The following LRP1B variants were observed in gnomAD, a reference collection of about 807,000 sequenced individuals.
LRP1B encodes the protein low-density lipoprotein receptor-related protein 1B.
In LRP1B, 217 loss-of-function variants were observed where a neutral mutation model predicts 556.6. The observed-to-expected ratio is 0.39, with a 90% CI of 0.35 to 0.44. The LOEUF is 0.44. Ranked by LOEUF, LRP1B falls within the 20% of genes least tolerant of loss-of-function variation. LRP1B has a pLI of 1.00. For synonymous variants in LRP1B, 2,047 were observed against 1,865.8 expected, an observed-to-expected ratio of 1.10 and a Z score of -2.50; for missense variants, 5,053 against 5,620.8, an observed-to-expected ratio of 0.90 and a Z score of 3.23.
chr2:140,489,905 T>C (rs1182255977), intron 57 of LRP1B, among the ~76,000 whole-genome samples: 1 of 152,088 alleles, frequency 6.6e-6, no homozygotes, highest in Non-Finnish European at 1.5e-5. Context: ...TATAATAAAT[T>C]AAAGCTGCAA....
chr2:141,201,098 GA>G (rs544011416), intron 6 of LRP1B, among the ~76,000 whole-genome samples: 75 of 152,258 alleles, frequency 4.9e-4, no homozygotes, highest in African/African-American at 1.8e-3. Context: ...GTAATTTTAT[GA>G]AAGGACAATT....
chr2:140,572,224 A>G (rs1176539540), intron 43 of LRP1B, among the ~76,000 whole-genome samples: 5 of 150,018 alleles, frequency 3.3e-5, no homozygotes, highest in African/African-American at 1.2e-4. Flanking sequence ...AGAGAAGAAA[A>G]TATTTGTAAA....
intron 33 of LRP1B, among the ~76,000 whole-genome samples, chr2:140,771,678 T>C (rs1175337552): frequency 3.9e-5 from 6 of 152,184 alleles, no homozygotes; most frequent in Non-Finnish European, 8.8e-5. Context: ...AGATGTTCCA[T>C]TGAATTTACT....
chr2:140,654,005 A>T (rs1319939103), intron 41 of LRP1B, among the ~76,000 whole-genome samples: 1 of 146,194 alleles, frequency 6.8e-6, no homozygotes, highest in African/African-American at 2.6e-5. Flanking sequence ...AGCCTGGGAG[A>T]CAAGAGCAAG....
intron 7 of LRP1B, among the ~76,000 whole-genome samples, chr2:141,181,341 T>A (rs969780462): frequency 1.1e-4 from 16 of 151,982 alleles, no homozygotes; most frequent in African/African-American, 3.9e-4. Flanking sequence ...ATGATATTGT[T>A]AATCTACCAA....
intron 2 of LRP1B, among the ~76,000 whole-genome samples, chr2:141,575,575 T>C (rs1686707991): frequency 6.6e-6 from 1 of 152,058 alleles, no homozygotes; most frequent in Non-Finnish European, 1.5e-5. Context: ...CAAAAGCAAT[T>C]GCAACAAAAG....
chr2:140,829,991 C>G (rs1691659124), intron 31 of LRP1B, among the ~76,000 whole-genome samples: 1 of 151,836 alleles, frequency 6.6e-6, no homozygotes, highest in Non-Finnish European at 1.5e-5. Flanking sequence ...TAAACACTAA[C>G]AAATTGGAAA....
At chr2:140,446,135 A>G (rs766335323) in intron 63 of LRP1B, among the ~76,000 whole-genome samples, 2 of 152,130 alleles carry the variant, frequency 1.3e-5, no homozygotes, top group Non-Finnish European at 2.9e-5. Flanking sequence ...TTTAAACTGA[A>G]TGACACAATT....
intron 84 of LRP1B, among the ~76,000 whole-genome samples, chr2:140,289,568 C>T (rs1025582642): frequency 7.3e-5 from 11 of 150,972 alleles, no homozygotes; most frequent in African/African-American, 1.5e-4. Context: ...TGTATAAGCA[C>T]GTACGCCTAA....
chr2:140,907,837 A>C, intron 22 of LRP1B, 40 bp downstream of exon 22: 1 of 1,558,860 alleles, frequency 6.4e-7, no homozygotes. Context: ...AAAAGGTTGT[A>C]GTTTTCATGG....
intron 1 of LRP1B, among the ~76,000 whole-genome samples, chr2:142,087,654 T>C (rs1705997980): frequency 1.3e-5 from 2 of 152,028 alleles, no homozygotes; most frequent in South Asian, 4.2e-4. Flanking sequence ...AAATTGGGAA[T>C]AATACCATGT....
chr2:140,911,924 C>T (rs1029990641), intron 21 of LRP1B, among the ~76,000 whole-genome samples: 8 of 151,602 alleles, frequency 5.3e-5, no homozygotes. Flanking sequence ...AGGCTATTTG[C>T]CATCCCTGAC....
intron 2 of LRP1B, among the ~76,000 whole-genome samples, chr2:141,590,565 T>G (rs1195364233): frequency 6.6e-6 from 1 of 152,094 alleles, no homozygotes; most frequent in Non-Finnish European, 1.5e-5. Context: ...AGAAAGGGTA[T>G]CATTTCTAAG....
intron 84 of LRP1B, among the ~76,000 whole-genome samples, chr2:140,283,481 T>G (rs1468970717): frequency 1.3e-5 from 2 of 151,904 alleles, no homozygotes; most frequent in Non-Finnish European, 2.9e-5. Flanking sequence ...TCTATTATAC[T>G]AATGAAAATA....
At chr2:141,642,362 A>C (rs1689367771) in intron 2 of LRP1B, among the ~76,000 whole-genome samples, 1 of 152,192 alleles carries the variant, frequency 6.6e-6, no homozygotes, top group Admixed American at 6.5e-5. Context: ...ATGTTAAAGT[A>C]AGTGGAAGTA....
intron 21 of LRP1B, among the ~76,000 whole-genome samples, chr2:140,911,919 A>G (rs867879183): frequency 2.6e-5 from 4 of 151,794 alleles, no homozygotes; most frequent in Non-Finnish European, 5.9e-5. Context: ...CAGTAAGGCT[A>G]TTTGCCATCC....
intron 1 of LRP1B, among the ~76,000 whole-genome samples, chr2:142,042,702 T>A (rs548316010): frequency 6.6e-6 from 1 of 151,672 alleles, no homozygotes; most frequent in Admixed American, 6.6e-5. Flanking sequence ...GTTAAAAATG[T>A]TGAAATGTGT....
intron 45 of LRP1B, among the ~76,000 whole-genome samples, chr2:140,537,358 G>A (rs1679953877): frequency 6.6e-6 from 1 of 151,696 alleles, no homozygotes; most frequent in Non-Finnish European, 1.5e-5. Context: ...AGTGCATAGA[G>A]TACCCATTTT....
chr2:141,937,840 T>C (rs1700682345), intron 1 of LRP1B, among the ~76,000 whole-genome samples: 1 of 152,186 alleles, frequency 6.6e-6, no homozygotes, highest in African/African-American at 2.4e-5. Context: ...CATTTAAGTC[T>C]TTCATCCACT....
Sources: allele counts gnomAD v4.1 joint callset (sites outside exome capture counted in the v4.1 genomes callset), GRCh38; gene constraint gnomAD v4.1.1; transcripts MANE v1.5; gene names NCBI Gene and HGNC (gene_info 2026-07-23, HGNC 2026-07-21).